The following RBFOX1 variants were observed in gnomAD, a reference collection of about 807,000 sequenced individuals.
The protein encoded by RBFOX1 is RNA binding protein fox-1 homolog 1.
RBFOX1 carries 8 observed loss-of-function variants against 57.7 expected under a neutral mutation model. That is an observed-to-expected ratio of 0.14 (90% confidence interval 0.08 to 0.25). The LOEUF is 0.25. RBFOX1 is among the 10% of genes least tolerant of loss of function. The probability of loss-of-function intolerance (pLI) is 1.00; values close to 1 mark genes in which losing one functional copy is unlikely to be tolerated. For missense variants in RBFOX1, 611 were observed against 548.5 expected, an observed-to-expected ratio of 1.11 and a Z score of -1.14; for synonymous variants, 326 against 222.4, an observed-to-expected ratio of 1.47 and a Z score of -4.15.
chr16:7,357,069 C>T (rs1389931678), intron 4 of RBFOX1, among the ~76,000 whole-genome samples: 1 of 152,130 alleles, frequency 6.6e-6, no homozygotes, highest in Non-Finnish European at 1.5e-5. Context: ...GAACATTCTG[C>T]ATCAAGGTAA....
At chr16:7,069,764 C>T (rs2056937720) in intron 4 of RBFOX1, among the ~76,000 whole-genome samples, 1 of 152,032 alleles carries the variant, frequency 6.6e-6, no homozygotes, top group Admixed American at 6.6e-5. Flanking sequence ...GGGATTAAGC[C>T]CCAGTTGCCC....
intron 2 of RBFOX1, among the ~76,000 whole-genome samples, chr16:6,437,333 A>ACTAAGCACAGAGCG (rs1424695902): frequency 1.3e-5 from 2 of 152,244 alleles, no homozygotes; most frequent in African/African-American, 4.8e-5. Flanking sequence ...TCTGTGCAGA[A>ACTAAGCACAGAGCG]CTAAGCACAG....
At chr16:5,251,986 G>A (rs1272725425) in intron 1 of RBFOX1, among the ~76,000 whole-genome samples, 1 of 152,188 alleles carries the variant, frequency 6.6e-6, no homozygotes, top group Non-Finnish European at 1.5e-5. Flanking sequence ...GGGCTGTGCT[G>A]TGTATTCTAG....
chr16:6,148,790 G>A (rs1480117449), intron 1 of RBFOX1, among the ~76,000 whole-genome samples: 1 of 152,182 alleles, frequency 6.6e-6, no homozygotes, highest in African/African-American at 2.4e-5. Context: ...AACCACAAGG[G>A]TGGAGTGGGG....
Position 7,082,570 on chromosome 16 carries a change from A to T in RBFOX1, c.27+30472A>T, listed in dbSNP as rs191259670. 6.5e-3 allele frequency among the ~76,000 whole-genome samples: 965 copies of T among 148,978 alleles called. 12 individuals carry two copies. The highest frequency in any genetic ancestry group is 8.3e-3 in the Non-Finnish European group (543 of 65,808). ...GAGTGAGACCATGTCTCAAAAAAAA[A>T]AAAATAAAAATTAAAAAAAGAAGGT... is the stretch of plus-strand genomic sequence containing the variant. On this transcript the variant is annotated intron_variant, in intron 4 of 15. Coordinates refer to ENST00000550418, the MANE Select transcript of RBFOX1 (RefSeq NM_018723.4).
intron 2 of RBFOX1, among the ~76,000 whole-genome samples, chr16:5,468,217 C>T (rs114998452): frequency 1.3e-5 from 2 of 152,288 alleles, no homozygotes; most frequent in African/African-American, 4.8e-5. Flanking sequence ...TAATATTAGC[C>T]ATTTTCAAAT....
intron 3 of RBFOX1, among the ~76,000 whole-genome samples, chr16:7,040,382 T>C (rs567296906): frequency 3.4e-4 from 52 of 152,302 alleles, no homozygotes; most frequent in African/African-American, 1.1e-3. Context: ...TTGGCTTTGA[T>C]GCTCTACAAA....
At chr16:7,020,726 G>T (rs956693555) in intron 3 of RBFOX1, among the ~76,000 whole-genome samples, 1 of 152,100 alleles carries the variant, frequency 6.6e-6, no homozygotes, top group South Asian at 2.1e-4. Flanking sequence ...GGAGGGAAAT[G>T]TCCTTCCCTC....
intron 1 of RBFOX1, among the ~76,000 whole-genome samples, chr16:6,295,520 C>T (rs565911544): frequency 7.2e-5 from 11 of 152,292 alleles, no homozygotes; most frequent in Non-Finnish European, 1.3e-4. Context: ...AGTACATAGC[C>T]TGTAGTTGGG....
At chr16:5,683,814 CAT>C (rs1596740196) in intron 3 of RBFOX1, among the ~76,000 whole-genome samples, 2 of 147,944 alleles carry the variant, frequency 1.4e-5, no homozygotes, top group South Asian at 2.1e-4. Context: ...TTATATACAA[CAT>C]ATAATTTAAT....
chr16:7,679,173 C>G (rs74011983), intron 14 of RBFOX1, among the ~76,000 whole-genome samples: 4,278 of 152,252 alleles, frequency 0.028, 129 homozygotes, highest in East Asian at 0.18. Flanking sequence ...AATGGTGCTA[C>G]TTCCTTTTAT....
chr16:5,673,204 A>G (rs923233260), intron 3 of RBFOX1, among the ~76,000 whole-genome samples: 6 of 152,192 alleles, frequency 3.9e-5, no homozygotes, highest in African/African-American at 1.2e-4. Flanking sequence ...TTTAGAGCTC[A>G]TTATTCAAGT....
chr16:7,116,166 A>G (rs1343152273), intron 4 of RBFOX1, among the ~76,000 whole-genome samples: 1 of 152,026 alleles, frequency 6.6e-6, no homozygotes, highest in African/African-American at 2.4e-5. Context: ...CATGCACTGC[A>G]TTTTTCTCCC....
chr16:6,672,292 C>T (rs1022367389), intron 3 of RBFOX1, among the ~76,000 whole-genome samples: 4 of 151,706 alleles, frequency 2.6e-5, no homozygotes, highest in African/African-American at 4.8e-5. Context: ...TATAAATATA[C>T]ATCCAATATA....
chr16:7,445,336 G>T (rs12149598), intron 4 of RBFOX1, among the ~76,000 whole-genome samples: 1 of 152,044 alleles, frequency 6.6e-6, no homozygotes, highest in African/African-American at 2.4e-5. Flanking sequence ...AGCACTCCCC[G>T]CTACTCCTCT....
intron 3 of RBFOX1, among the ~76,000 whole-genome samples, chr16:6,897,338 G>C (rs891538306): frequency 1.3e-5 from 2 of 152,216 alleles, no homozygotes; most frequent in African/African-American, 2.4e-5. Flanking sequence ...AGGAGGCAGA[G>C]GTTGCAGTGA....
At chr16:7,112,716 G>C (rs1349455383) in intron 4 of RBFOX1, among the ~76,000 whole-genome samples, 2 of 135,892 alleles carry the variant, frequency 1.5e-5, no homozygotes, top group Non-Finnish European at 1.7e-5. Context: ...GTCCGCAAAT[G>C]GGTCAAAGTG....
At chr16:7,253,366 A>G (rs190596563) in intron 4 of RBFOX1, among the ~76,000 whole-genome samples, 1 of 152,048 alleles carries the variant, frequency 6.6e-6, no homozygotes, top group East Asian at 1.9e-4. Flanking sequence ...TTTCTGGTTC[A>G]TTTTCACTCT....
intron 4 of RBFOX1, among the ~76,000 whole-genome samples, chr16:5,872,069 C>T (rs1328254286): frequency 6.6e-6 from 1 of 152,130 alleles, no homozygotes; most frequent in Non-Finnish European, 1.5e-5. Flanking sequence ...AAGCCTCGTT[C>T]TCAGGAAAAT....
Sources: allele counts gnomAD v4.1 joint callset (sites outside exome capture counted in the v4.1 genomes callset), GRCh38; gene constraint gnomAD v4.1.1; transcripts MANE v1.5; gene names NCBI Gene and HGNC (gene_info 2026-07-23, HGNC 2026-07-21).